Variants in CNTNAP2 observed in about 807,000 individuals in gnomAD.
The protein encoded by CNTNAP2 is contactin associated protein 2.
In CNTNAP2, 98 loss-of-function variants were observed where a neutral mutation model predicts 155.2. The ratio of observed to expected loss-of-function variants is 0.63; its 90% CI spans 0.54 to 0.75. The LOEUF is 0.75. CNTNAP2 is among the 30% of genes least tolerant of loss of function. The pLI, the probability that CNTNAP2 is intolerant of heterozygous loss-of-function variation, is 0.00. For missense variants in CNTNAP2, 1,727 were observed against 1,688.1 expected, an observed-to-expected ratio of 1.02 and a Z score of -0.40; for synonymous variants, 651 against 631.2, an observed-to-expected ratio of 1.03 and a Z score of -0.47.
chr7:146,473,766 T>G lies in CNTNAP2; in HGVS notation c.98-300505T>G, dbSNP rs554590824. Among the ~76,000 whole-genome samples, 2 of 152,344 alleles carry G rather than the reference T, an allele frequency of 1.3e-5. 1 individual carries two copies. Among genetic ancestry groups the G allele is most frequent in the South Asian group, 4.1e-4 (2 of 4,832 alleles). On this transcript the variant is annotated intron_variant, in intron 1 of 23. Transcript: ENST00000361727. Reference sequence around the variant, plus strand: ...ATTTTGTATGTTTTTCCCCCCATTTTTCTATTCAATTCAGTAATCCACAAT... The same window carrying G: ...ATTTTGTATGTTTTTCCCCCCATTTGTCTATTCAATTCAGTAATCCACAAT...
chr7:147,972,527 A>C (rs1175744410), intron 14 of CNTNAP2, among the ~76,000 whole-genome samples: 1 of 152,218 alleles, frequency 6.6e-6, no homozygotes, highest in African/African-American at 2.4e-5. Flanking sequence ...CAGCAAAGCA[A>C]GACAGAATTC....
intron 13 of CNTNAP2, among the ~76,000 whole-genome samples, chr7:147,684,744 C>A: frequency 6.6e-6 from 1 of 151,934 alleles, no homozygotes. Flanking sequence ...TAGCATTCTA[C>A]CTAAATATTT....
In CNTNAP2 at chr7:147,800,448, G is replaced by A. The variant is rs142790675; in HGVS notation, c.2099-103117G>A. Among the ~76,000 whole-genome samples the A allele has an allele frequency of 8.5e-4, 129 of 151,144 alleles. 2 individuals carry two copies. In the East Asian group the frequency reaches 0.021, roughly 24 times the overall value. ...CATTTAAAAAGAGAATTATAGAAAA[G>A]CATTTTAAGCAAAGGCAGCTCACTT... On this transcript the variant is annotated intron_variant, in intron 13 of 23. Coordinates refer to ENST00000361727, the MANE Select transcript of CNTNAP2 (RefSeq NM_014141.6).
At chr7:146,847,695 A>G (rs973942940) in intron 3 of CNTNAP2, among the ~76,000 whole-genome samples, 1 of 152,166 alleles carries the variant, frequency 6.6e-6, no homozygotes, top group Admixed American at 6.5e-5. Flanking sequence ...ACTGTATTAC[A>G]TACATCTGTG....
At chr7:147,611,691 C>G (rs924447051) in intron 12 of CNTNAP2, among the ~76,000 whole-genome samples, 3 of 152,170 alleles carry the variant, frequency 2.0e-5, no homozygotes, top group Non-Finnish European at 2.9e-5. Context: ...AGAACATAAT[C>G]TGCACTTTGA....
chr7:146,864,954 T>C (rs1039123982), intron 3 of CNTNAP2, among the ~76,000 whole-genome samples: 1 of 132,946 alleles, frequency 7.5e-6, no homozygotes, highest in African/African-American at 3.0e-5. Flanking sequence ...GGTATGATCT[T>C]ACCACCACAC....
chr7:146,864,990 TAAAAAA>T (rs55646482), intron 3 of CNTNAP2, among the ~76,000 whole-genome samples: 2 of 84,030 alleles, frequency 2.4e-5, no homozygotes, highest in East Asian at 3.4e-4. Flanking sequence ...AGAGTCTATC[TAAAAAA>T]AAAAAAAAAA....
chr7:146,871,186 A>G (rs1795298388), intron 3 of CNTNAP2, among the ~76,000 whole-genome samples: 2 of 152,140 alleles, frequency 1.3e-5, no homozygotes, highest in African/African-American at 4.8e-5. Context: ...AATATTAAAC[A>G]GGCACATCTA....
At chr7:147,998,879 A>G (rs929500892) in intron 15 of CNTNAP2, among the ~76,000 whole-genome samples, 5 of 152,206 alleles carry the variant, frequency 3.3e-5, no homozygotes, top group African/African-American at 1.2e-4. Context: ...TTTAATTAAA[A>G]TAAAACCTTT....
intron 13 of CNTNAP2, among the ~76,000 whole-genome samples, chr7:147,831,280 G>A (rs147083714): frequency 4.0e-3 from 603 of 152,222 alleles, no homozygotes; most frequent in Non-Finnish European, 6.0e-3. Flanking sequence ...TAATCCCCAA[G>A]TACGCCTGTA....
At chr7:147,423,514 C>T (rs1001043051) in intron 10 of CNTNAP2, among the ~76,000 whole-genome samples, 2 of 152,162 alleles carry the variant, frequency 1.3e-5, no homozygotes, top group African/African-American at 4.8e-5. Flanking sequence ...AACCTCCTCT[C>T]TATGGAAATG....
chr7:146,688,382 C>T (rs1800639375), intron 1 of CNTNAP2, among the ~76,000 whole-genome samples: 1 of 152,020 alleles, frequency 6.6e-6, no homozygotes, highest in African/African-American at 2.4e-5. Context: ...TTTGTGTGAG[C>T]AATAAAGCTT....
intron 11 of CNTNAP2, 107 bp from the exon 12 acceptor site, chr7:147,562,031 T>C: frequency 7.2e-7 from 1 of 1,397,774 alleles, no homozygotes; most frequent in South Asian, 1.2e-5. Context: ...CAGGAAGAAC[T>C]ACTCCTAACT....
chr7:148,036,804 A>G (rs1802580722), intron 15 of CNTNAP2, among the ~76,000 whole-genome samples: 1 of 152,148 alleles, frequency 6.6e-6, no homozygotes, highest in Non-Finnish European at 1.5e-5. Flanking sequence ...ACCTAACTCC[A>G]TAAAATGGAT....
intron 1 of CNTNAP2, among the ~76,000 whole-genome samples, chr7:146,480,567 G>T (rs926500238): frequency 6.6e-5 from 10 of 151,590 alleles, no homozygotes; most frequent in Admixed American, 6.6e-4. Flanking sequence ...GTCCCAGGTT[G>T]CAGAATGCAA....
At chr7:146,982,370 C>T (rs1798034171) in intron 3 of CNTNAP2, among the ~76,000 whole-genome samples, 1 of 151,974 alleles carries the variant, frequency 6.6e-6, no homozygotes, top group Non-Finnish European at 1.5e-5. Context: ...ACACCCCATT[C>T]TTTGTGTTTT....
At chr7:146,716,283 T>C (rs1433383204) in intron 1 of CNTNAP2, among the ~76,000 whole-genome samples, 3 of 151,158 alleles carry the variant, frequency 2.0e-5, no homozygotes, top group Non-Finnish European at 4.4e-5. Context: ...ATTCTTAGGA[T>C]TTCTGGTGCT....
chr7:148,335,242 T>C (rs1352642043), intron 21 of CNTNAP2, among the ~76,000 whole-genome samples: 1 of 152,016 alleles, frequency 6.6e-6, no homozygotes, highest in Non-Finnish European at 1.5e-5. Context: ...CCACAGCAGG[T>C]CTCCTCTCTA....
intron 1 of CNTNAP2, among the ~76,000 whole-genome samples, chr7:146,761,691 C>G (rs938159703): frequency 2.0e-5 from 3 of 151,234 alleles, no homozygotes; most frequent in Non-Finnish European, 4.4e-5. Context: ...TAAAACTGTC[C>G]TTACCCCTTC....
Sources: gnomAD v4.1 joint callset for allele counts (sites outside exome capture counted in the v4.1 genomes callset) on GRCh38, gnomAD v4.1.1 for gene constraint, MANE v1.5 for transcripts, NCBI Gene and HGNC (gene_info 2026-07-23, HGNC 2026-07-21) for gene names.